Variants in FRY observed in about 807,000 individuals in gnomAD.
FRY encodes protein furry homolog.
Under a neutral mutation model 348.4 loss-of-function variants are expected in FRY, and 128 were observed. That is an observed-to-expected ratio of 0.37 (90% CI 0.32 to 0.43). FRY has a LOEUF of 0.43. Ranked by LOEUF, FRY falls within the 20% of genes least tolerant of loss-of-function variation. The pLI, the probability that FRY is intolerant of heterozygous loss-of-function variation, is 1.00. For missense variants in FRY, 2,736 were observed against 3,695.2 expected (o/e 0.74, Z 6.73); for synonymous variants, 1,370 against 1,374.7 (o/e 1.00, Z 0.08).
intron 51 of FRY, among the ~76,000 whole-genome samples, chr13:32,256,568 C>T (rs368746128): frequency 3.9e-5 from 6 of 152,038 alleles, no homozygotes; most frequent in African/African-American, 1.2e-4. Flanking sequence ...AAGAAACTCA[C>T]GGGGCTGAGA....
intron 29 of FRY, among the ~76,000 whole-genome samples, chr13:32,200,184 G>A (rs577836579): frequency 2.8e-4 from 43 of 152,172 alleles, no homozygotes; most frequent in South Asian, 4.2e-4. Flanking sequence ...AAAGGCCCCC[G>A]TTCTCAATAC....
Position 32,225,844 on chromosome 13 carries a change from C to T in FRY, c.5076C>T (p.His1692=), listed in dbSNP as rs1412810753. The change falls in exon 39 of 61, where the codon CAC becomes CAT. Residue 1692 remains histidine, a synonymous_variant. Coordinates refer to ENST00000542859, the MANE Select transcript of FRY (RefSeq NM_023037.3). ...AACACAGCAAAAAACTGCTTCTTCA[C>T]CTCTTGATTGCCCTCTCTTGCAACA... ...VFEHSKKLLL[H]LLIALSCNSN... is the part of the protein sequence containing the mutation. 6.2e-7 allele frequency: 1 copy of T among 1,613,996 alleles called. No homozygotes were observed. Among genetic ancestry groups the T allele is most frequent in the East Asian group, 2.2e-5 (1 of 44,906 alleles).
Position 32,239,216 on chromosome 13 carries a change from T to C in FRY, c.6419-36T>C, listed in dbSNP as rs1398488598. ...CACTGTTAACAGCTAAAATATACCA[T>C]ATTCAGCTATCTCCATTGTATCTTC... is the stretch of plus-strand genomic sequence containing the variant. On this transcript the variant is annotated intron_variant, in intron 44 of 60. Coordinates refer to ENST00000542859, the MANE Select transcript of FRY (RefSeq NM_023037.3). This position sits in a 1 kb window ranked among gnomAD's most constrained non-coding sequence, Gnocchi z 4.3. The C allele has an allele frequency of 1.2e-5, 15 of 1,220,012 alleles. No individual in the cohort carries two copies. Among genetic ancestry groups the C allele is most frequent in the Non-Finnish European group, 1.8e-5 (15 of 821,146 alleles). 75.6% of individuals were successfully genotyped at this position (1,220,012 alleles called of 1,614,324 possible).
chr13:32,098,579 G>T (rs879619028), intron 2 of FRY, among the ~76,000 whole-genome samples: 1 of 152,034 alleles, frequency 6.6e-6, no homozygotes, highest in African/African-American at 2.4e-5. Flanking sequence ...TTAGGGGATG[G>T]CTCAGAGAAG....
chr13:32,145,690 G>A lies in FRY; in HGVS notation c.1180-1592G>A, dbSNP rs376268534. The stretch of plus-strand genomic sequence containing the variant: ...CTCCCGAGTAGCTGGGACTACAGGC[G>A]CCCGCCACCGCGCCCGGCTAATTTT... On this transcript the variant is annotated intron_variant, in intron 11 of 60. Coordinates refer to ENST00000542859, the MANE Select transcript of FRY (RefSeq NM_023037.3). Among the ~76,000 whole-genome samples, 10 of 151,188 alleles carry A rather than the reference G, an allele frequency of 6.6e-5. No homozygotes were observed. In the East Asian group the frequency reaches 7.8e-4, roughly 12 times the overall value.
chr13:32,198,022 C>T (rs1883782180), intron 29 of FRY, among the ~76,000 whole-genome samples: 2 of 152,210 alleles, frequency 1.3e-5, no homozygotes, highest in Admixed American at 1.3e-4. Flanking sequence ...TTTTCAACAT[C>T]TAAGTACAGA....
At chr13:32,134,378 A>T (rs1879571465) in intron 8 of FRY, among the ~76,000 whole-genome samples, 1 of 152,208 alleles carries the variant, frequency 6.6e-6, no homozygotes, top group South Asian at 2.1e-4. Context: ...CTTGCTTATG[A>T]AACTAGGTGA....
intron 28 of FRY, among the ~76,000 whole-genome samples, chr13:32,189,558 C>G (rs1275425705): frequency 2.0e-5 from 3 of 151,762 alleles, no homozygotes; most frequent in African/African-American, 7.3e-5. Flanking sequence ...TGGTAGTGAT[C>G]ACTAAACCAA....
At chr13:32,057,709 T>C (rs1057403596) in intron 1 of FRY, among the ~76,000 whole-genome samples, 3 of 152,156 alleles carry the variant, frequency 2.0e-5, no homozygotes, top group Non-Finnish European at 2.9e-5. Flanking sequence ...CCTGTAATGC[T>C]AGCACTTTGG....
chr13:32,051,947 C>A (rs1034280522), intron 1 of FRY, among the ~76,000 whole-genome samples: 2 of 152,146 alleles, frequency 1.3e-5, no homozygotes, highest in East Asian at 3.8e-4. Flanking sequence ...TTTCCCTAGT[C>A]AGTTTTATAT....
At chr13:32,142,769 G>T (rs1175065568) in intron 11 of FRY, among the ~76,000 whole-genome samples, 1 of 152,142 alleles carries the variant, frequency 6.6e-6, no homozygotes, top group South Asian at 2.1e-4. Context: ...TTTTGATTTT[G>T]AATACTTTCT....
intron 57 of FRY, among the ~76,000 whole-genome samples, chr13:32,277,872 G>A (rs1888611903): frequency 6.6e-6 from 1 of 152,208 alleles, no homozygotes; most frequent in Non-Finnish European, 1.5e-5. Context: ...TTAATGTCAA[G>A]TGTGAACTTC....
At position 32,228,665 on chromosome 13, in the gene FRY, G is replaced by C; in HGVS notation, c.5405+11G>C. ...GTTTCTCACGACCAGGTAATAAGGGGTTAGGAGTCCGCTGCTGTTTGCAGG... is the reference window on the plus strand; with the variant it reads ...GTTTCTCACGACCAGGTAATAAGGGCTTAGGAGTCCGCTGCTGTTTGCAGG... On this transcript the variant is annotated intron_variant, in intron 40 of 60. Coordinates refer to ENST00000542859, the MANE Select transcript of FRY (RefSeq NM_023037.3). The C allele has an allele frequency of 6.2e-7, 1 of 1,612,452 alleles. No homozygotes were observed. Among genetic ancestry groups the C allele is most frequent in the Non-Finnish European group, 8.5e-7 (1 of 1,178,428 alleles).
At position 32,202,531 on chromosome 13, in the gene FRY, C is replaced by T; in HGVS notation, c.4018+4C>T. ...CTCACACTCCCCCTCTTCTCAGGTACCAGGCAATAGTCAATAATGACATAT... is the reference window on the plus strand; with the variant it reads ...CTCACACTCCCCCTCTTCTCAGGTATCAGGCAATAGTCAATAATGACATAT... On this transcript the variant is annotated splice_donor_region_variant and intron_variant, in intron 31 of 60. Coordinates refer to ENST00000542859, the MANE Select transcript of FRY (RefSeq NM_023037.3). 1 of 1,608,020 alleles carries T rather than the reference C, an allele frequency of 6.2e-7. No individual in the cohort carries two copies. The highest frequency in any genetic ancestry group is 8.5e-7 in the Non-Finnish European group (1 of 1,174,540).
chr13:32,151,001 G>A (rs944440841), intron 14 of FRY, among the ~76,000 whole-genome samples: 4 of 152,216 alleles, frequency 2.6e-5, no homozygotes, highest in African/African-American at 9.6e-5. Flanking sequence ...GAGGGGGCAG[G>A]GCCAGTGCCA....
chr13:32,251,794 C>A (rs1223038675), intron 49 of FRY, 84 bp from the exon 50 acceptor site: 6 of 822,884 alleles, frequency 7.3e-6, no homozygotes, highest in Non-Finnish European at 1.3e-5. Flanking sequence ...AGTGCTATTG[C>A]CCTGTATGGC....
In FRY at chr13:32,297,799, C is replaced by CAGGGATACA. The variant is rs2072088438; in HGVS notation, c.*2341_*2349dup. The CAGGGATACA allele has an allele frequency of 6.6e-6, 1 of 152,096 alleles. No individual in the cohort carries two copies. The allele number at this position is 152,096 out of a possible 1,614,324, so 9.4% of individuals were successfully genotyped here. ...AAGCATTAATGTTAATTGCCTTCCC[C>CAGGGATACA]AGGGATACAAAGAAGTAGAAGTACC... On this transcript the variant is annotated 3_prime_UTR_variant, in exon 61 of 61. Transcript: ENST00000542859.
chr13:32,138,144 T>G (rs1239804342), intron 11 of FRY, among the ~76,000 whole-genome samples: 1 of 151,222 alleles, frequency 6.6e-6, no homozygotes, highest in Non-Finnish European at 1.5e-5. Context: ...TTTGTTTTTT[T>G]GTTTTTTTTT....
chr13:32,055,019 C>T (rs910834146), intron 1 of FRY, among the ~76,000 whole-genome samples: 1 of 152,028 alleles, frequency 6.6e-6, no homozygotes, highest in African/African-American at 2.4e-5. Flanking sequence ...AGCTAGAGAG[C>T]TCTGTTTTAC....
Sources: allele counts gnomAD v4.1 joint callset (sites outside exome capture counted in the v4.1 genomes callset), GRCh38; gene constraint gnomAD v4.1.1; non-coding constraint Gnocchi (gnomAD v3.1); transcripts MANE v1.5; gene names NCBI Gene and HGNC (gene_info 2026-07-23, HGNC 2026-07-21).